GULP1: variants seen among roughly 807,000 people sequenced by gnomAD.
The protein encoded by GULP1 is PTB domain-containing engulfment adapter protein 1.
Under a neutral mutation model 40.9 loss-of-function variants are expected in GULP1, and 19 were observed. The ratio of observed to expected loss-of-function variants is 0.46; its 90% CI spans 0.32 to 0.68. The LOEUF (loss-of-function observed/expected upper bound fraction) is 0.68. GULP1 is among the 30% of genes least tolerant of loss of function. The probability of loss-of-function intolerance (pLI) is 0.03; values close to 1 mark genes in which losing one functional copy is unlikely to be tolerated. For synonymous variants in GULP1, 119 were observed against 117.6 expected, an observed-to-expected ratio of 1.01 and a Z score of -0.08; for missense variants, 312 against 362.2, an observed-to-expected ratio of 0.86 and a Z score of 1.12.
At chr2:188,392,782 T>C (rs1327616392) in intron 2 of GULP1, among the ~76,000 whole-genome samples, 1 of 152,070 alleles carries the variant, frequency 6.6e-6, no homozygotes, top group Non-Finnish European at 1.5e-5. Flanking sequence ...TTGTAACTTA[T>C]GTCGCTATTA....
Position 188,292,292 on chromosome 2 carries a change from G to C in GULP1, c.-172+126G>C, listed in dbSNP as rs1441898093. Reference sequence around the variant, plus strand: ...TGGACAGCTCCGGCCACCAGTGCCCGGGAAGGAGGGCGCGGGGCTGCGCGT... The same window carrying C: ...TGGACAGCTCCGGCCACCAGTGCCCCGGAAGGAGGGCGCGGGGCTGCGCGT... On this transcript the variant is annotated intron_variant, in intron 1 of 11. Coordinates refer to ENST00000409830, the MANE Select transcript of GULP1 (RefSeq NM_016315.4). The surrounding 1 kb of genome is among the most constrained non-coding windows in gnomAD (Gnocchi z 4.0). 6.6e-6 allele frequency: 1 copy of C among 152,586 alleles called. No individual in the cohort carries two copies. The highest frequency in any genetic ancestry group is 1.5e-5 in the Non-Finnish European group (1 of 68,372). The allele number at this position is 152,586 out of a possible 1,614,324, so 9.5% of individuals were successfully genotyped here. A position where few individuals can be genotyped will look rare whatever the true frequency, so the allele number is the denominator to read the frequency against.
intron 2 of GULP1, among the ~76,000 whole-genome samples, chr2:188,416,823 T>C (rs888250788): frequency 1.3e-5 from 2 of 152,286 alleles, no homozygotes; most frequent in African/African-American, 4.8e-5. Context: ...ACTTACTGAG[T>C]TTAATCAGAT....
At chr2:188,384,793 C>G (rs948426986) in intron 2 of GULP1, among the ~76,000 whole-genome samples, 3 of 152,182 alleles carry the variant, frequency 2.0e-5, no homozygotes, top group African/African-American at 7.2e-5. Flanking sequence ...CCACGCTGTT[C>G]CAAAATCCAG....
At chr2:188,500,808 T>A (rs1355432572) in intron 4 of GULP1, among the ~76,000 whole-genome samples, 1 of 151,922 alleles carries the variant, frequency 6.6e-6, no homozygotes, top group Non-Finnish European at 1.5e-5. Flanking sequence ...GGGCCCCTGG[T>A]CTTTTCCAAA....
chr2:188,547,574 C>T lies in GULP1; in HGVS notation c.399+6256C>T, dbSNP rs1278381782. 5.3e-5 allele frequency among the ~76,000 whole-genome samples: 8 copies of T among 152,036 alleles called. 2 individuals are homozygous for T. The South Asian group carries it at 1.4e-3, about 28-fold the overall frequency. ...AGTCTAGCCTTTTCATGTTTTTCTG[C>T]CTGCTTTATATTCTGGCTGCACCAG... On this transcript the variant is annotated intron_variant, in intron 7 of 11. Coordinates refer to ENST00000409830, the MANE Select transcript of GULP1 (RefSeq NM_016315.4).
At chr2:188,316,194 C>G (rs181199674) in intron 1 of GULP1, among the ~76,000 whole-genome samples, 9 of 152,236 alleles carry the variant, frequency 5.9e-5, no homozygotes, top group Admixed American at 2.0e-4. Context: ...CCTTTTACAA[C>G]TCATTTTCTG....
At chr2:188,429,338 A>T (rs2056587102) in intron 2 of GULP1, among the ~76,000 whole-genome samples, 1 of 152,142 alleles carries the variant, frequency 6.6e-6, no homozygotes, top group South Asian at 2.1e-4. Context: ...CCCTGTCTCT[A>T]CTAAAATACA....
intron 2 of GULP1, among the ~76,000 whole-genome samples, chr2:188,448,660 A>G (rs2152905831): frequency 6.6e-6 from 1 of 152,312 alleles, no homozygotes; most frequent in South Asian, 2.1e-4. Context: ...AATAGAACAT[A>G]TGTGATATGG....
At chr2:188,552,334 T>C (rs1693684323) in intron 7 of GULP1, among the ~76,000 whole-genome samples, 2 of 151,882 alleles carry the variant, frequency 1.3e-5, no homozygotes, top group Non-Finnish European at 2.9e-5. Context: ...CACTTTGAGT[T>C]GATTTTTATA....
At chr2:188,318,055 C>T (rs968116758) in intron 1 of GULP1, among the ~76,000 whole-genome samples, 2 of 152,008 alleles carry the variant, frequency 1.3e-5, no homozygotes, top group African/African-American at 4.8e-5. Flanking sequence ...CCTGCCTAAT[C>T]TTAGTTGGAT....
At chr2:188,433,312 A>G (rs1274761344) in intron 2 of GULP1, among the ~76,000 whole-genome samples, 1 of 152,130 alleles carries the variant, frequency 6.6e-6, no homozygotes, top group Non-Finnish European at 1.5e-5. Flanking sequence ...GAGGAACTGA[A>G]CTGTAGTCTA....
chr2:188,309,443 G>T lies in GULP1; in HGVS notation c.-172+17277G>T, dbSNP rs186988036. On this transcript the variant is annotated intron_variant, in intron 1 of 11. Coordinates refer to ENST00000409830, the MANE Select transcript of GULP1 (RefSeq NM_016315.4). ...ATCACACCACTGCACTTCAGTCTGG[G>T]CAATAGAGCGAGACCCTCTCTCAAA... 3.3e-4 allele frequency among the ~76,000 whole-genome samples: 50 copies of T among 152,272 alleles called. No individual in the cohort carries two copies. In the East Asian group the frequency reaches 4.6e-3, roughly 14 times the overall value.
intron 7 of GULP1, among the ~76,000 whole-genome samples, chr2:188,567,480 C>G (rs1698008042): frequency 6.6e-6 from 1 of 152,156 alleles, no homozygotes; most frequent in Admixed American, 6.5e-5. Flanking sequence ...GAGATAATGT[C>G]CTTTGCAGGG....
intron 7 of GULP1, among the ~76,000 whole-genome samples, chr2:188,560,690 C>T (rs1392602070): frequency 1.3e-5 from 2 of 152,024 alleles, no homozygotes; most frequent in Non-Finnish European, 2.9e-5. Context: ...ACAGGCTGTA[C>T]AGGAAGCATG....
At chr2:188,383,002 A>T (rs769227571) in intron 1 of GULP1, among the ~76,000 whole-genome samples, 29 of 152,198 alleles carry the variant, frequency 1.9e-4, no homozygotes, top group Non-Finnish European at 4.0e-4. Flanking sequence ...TATCAAAGTT[A>T]TGACGGGAAG....
intron 1 of GULP1, among the ~76,000 whole-genome samples, chr2:188,340,624 C>T (rs1485145364): frequency 6.6e-6 from 1 of 152,170 alleles, no homozygotes; most frequent in Non-Finnish European, 1.5e-5. Context: ...AGTAGGCCCT[C>T]TGTCTTTTTG....
chr2:188,436,336 A>G (rs1435944817), intron 2 of GULP1, among the ~76,000 whole-genome samples: 1 of 152,118 alleles, frequency 6.6e-6, no homozygotes, highest in Non-Finnish European at 1.5e-5. Context: ...AAAGTTTTGT[A>G]TATTAACACA....
At chr2:188,385,059 C>T (rs1553537608) in intron 2 of GULP1, among the ~76,000 whole-genome samples, 1 of 152,142 alleles carries the variant, frequency 6.6e-6, no homozygotes, top group Non-Finnish European at 1.5e-5. Flanking sequence ...CTTCTCACAG[C>T]TCCACTAAGT....
At chr2:188,429,911 G>A (rs544762641) in intron 2 of GULP1, among the ~76,000 whole-genome samples, 91 of 151,934 alleles carry the variant, frequency 6.0e-4, no homozygotes, top group African/African-American at 2.0e-3. Flanking sequence ...GGGTTTCACC[G>A]TGTTAGCCAA....
Sources: allele counts gnomAD v4.1 joint callset (sites outside exome capture counted in the v4.1 genomes callset), GRCh38; gene constraint gnomAD v4.1.1; non-coding constraint Gnocchi (gnomAD v3.1); transcripts MANE v1.5; gene names NCBI Gene and HGNC (gene_info 2026-07-23, HGNC 2026-07-21).